The following WWTR1 variants were observed in gnomAD, a reference collection of about 807,000 sequenced individuals.
The protein encoded by WWTR1 is WW domain-containing transcription regulator protein 1.
A neutral mutation model predicts 40.1 loss-of-function variants in WWTR1; 13 were observed. That is an observed-to-expected ratio of 0.32 (90% CI 0.21 to 0.52). WWTR1 has a LOEUF of 0.52. Ranked by LOEUF, WWTR1 falls within the 20% of genes least tolerant of loss-of-function variation. WWTR1 has a pLI of 0.97. For missense variants in WWTR1, 436 were observed against 523.1 expected, an observed-to-expected ratio of 0.83 and a Z score of 1.63; for synonymous variants, 230 against 210.1, an observed-to-expected ratio of 1.09 and a Z score of -0.82.
chr3:149,526,016 TATCCATCTC>T lies in WWTR1; in HGVS notation c.1006_1014del (p.Glu336_Asp338del), dbSNP rs773748711. The T allele has an allele frequency of 1.4e-5, 22 of 1,595,820 alleles. No homozygotes were observed. Among genetic ancestry groups the T allele is most frequent in the Non-Finnish European group, 1.9e-5 (22 of 1,170,712 alleles). ...TGCTTGCAGGCTTTGCTCCTACCTG[TATCCATCTC>T]ATCCACATTGCTGAGGAAGTCCTCC... On this transcript the variant is annotated inframe_deletion, in exon 6 of 7. Transcript: ENST00000360632.
Position 149,535,632 on chromosome 3 carries a change from T to C in WWTR1, c.771+6703A>G, listed in dbSNP as rs79742911. On this transcript the variant is annotated intron_variant, in intron 4 of 6. Coordinates refer to ENST00000360632, the MANE Select transcript of WWTR1 (RefSeq NM_015472.6). Reference sequence around the variant, plus strand: ...AGTGCATAAAGCAAATTTGTATTATTCCACAACTGGTTTCTGTTGTCCTTT... The same window carrying C: ...AGTGCATAAAGCAAATTTGTATTATCCCACAACTGGTTTCTGTTGTCCTTT... 5.1e-3 allele frequency among the ~76,000 whole-genome samples: 776 copies of C among 152,046 alleles called. 11 individuals carry two copies. The highest frequency in any genetic ancestry group is 0.018 in the African/African-American group (735 of 41,478).
At chr3:149,568,328 G>A (rs73155010) in intron 3 of WWTR1, among the ~76,000 whole-genome samples, 11,678 of 146,846 alleles carry the variant, frequency 0.08, 1,225 homozygotes, top group East Asian at 0.49. Flanking sequence ...GGAGGTTGCA[G>A]TGAGCCAAGT....
chr3:149,620,772 G>T (rs1740233240), intron 2 of WWTR1, among the ~76,000 whole-genome samples: 1 of 152,148 alleles, frequency 6.6e-6, no homozygotes, highest in Non-Finnish European at 1.5e-5. Flanking sequence ...CATTTCCATT[G>T]CAAAAAGTTA....
At chr3:149,682,828 AG>A (rs1372712555) in intron 1 of WWTR1, among the ~76,000 whole-genome samples, 1 of 152,194 alleles carries the variant, frequency 6.6e-6, no homozygotes, top group Non-Finnish European at 1.5e-5. Context: ...TTAGTATAAA[AG>A]TGGATTGAAG....
At chr3:149,542,689 T>C (rs1207670310) in intron 3 of WWTR1, 152 bp from the exon 4 acceptor site, 2 of 846,372 alleles carry the variant, frequency 2.4e-6, no homozygotes, top group Middle Eastern at 3.5e-4. Context: ...AAGTAATTAT[T>C]ACCTTAATTC....
intron 3 of WWTR1, among the ~76,000 whole-genome samples, chr3:149,566,951 T>C (rs2107986292): frequency 6.6e-6 from 1 of 152,316 alleles, no homozygotes; most frequent in South Asian, 2.1e-4. Flanking sequence ...TGTGTGTATA[T>C]GTAACTTTAA....
intron 4 of WWTR1, among the ~76,000 whole-genome samples, chr3:149,540,501 A>C (rs547730736): frequency 6.6e-6 from 1 of 152,360 alleles, no homozygotes; most frequent in East Asian, 1.9e-4. Flanking sequence ...GAAAAAACTC[A>C]CTAAAGCTCA....
chr3:149,650,704 G>C lies in WWTR1; in HGVS notation c.431+6172C>G, dbSNP rs1261675950. ...CAGCTCAATTTGTAGTGACAATCTA[G>C]ATTCCAAACAATAAAAACTAGACAC... On this transcript the variant is annotated intron_variant, in intron 2 of 6. Coordinates refer to ENST00000360632, the MANE Select transcript of WWTR1 (RefSeq NM_015472.6). 2.6e-5 allele frequency among the ~76,000 whole-genome samples: 4 copies of C among 152,218 alleles called. No homozygotes were observed. In the South Asian group the frequency reaches 8.3e-4, roughly 32 times the overall value.
intron 4 of WWTR1, among the ~76,000 whole-genome samples, chr3:149,541,821 G>T (rs1736113338): frequency 6.6e-6 from 1 of 152,002 alleles, no homozygotes; most frequent in African/African-American, 2.4e-5. Flanking sequence ...CAGTCTTCCA[G>T]CAATCCTCAC....
At chr3:149,547,673 C>T (rs1057342142) in intron 3 of WWTR1, among the ~76,000 whole-genome samples, 1 of 152,098 alleles carries the variant, frequency 6.6e-6, no homozygotes, top group Non-Finnish European at 1.5e-5. Flanking sequence ...AAAGGAATAA[C>T]CCAAACAGAA....
chr3:149,679,870 G>A (rs943704832), intron 1 of WWTR1, among the ~76,000 whole-genome samples: 1 of 152,158 alleles, frequency 6.6e-6, no homozygotes, highest in Admixed American at 6.5e-5. Context: ...ATTTTCCAGG[G>A]CTGATTTCTC....
At position 149,520,970 on chromosome 3, in the gene WWTR1, T is replaced by G; in HGVS notation, c.1038A>C (p.Thr346=). ...EMDTGENAGQ[T]PMNINPQQTR... ...TCTGTTGGGGATTGATGTTCATGGG[T>G]GTTTGTCCTGCGTTTTCTCCTATAA... is the stretch of plus-strand genomic sequence containing the variant. Residue 346 remains threonine, a synonymous_variant, in exon 7 of 7, where the codon ACA becomes ACC. Coordinates refer to ENST00000360632, the MANE Select transcript of WWTR1 (RefSeq NM_015472.6). 2 of 1,602,588 alleles carry G rather than the reference T, an allele frequency of 1.2e-6. No homozygotes were observed. Among genetic ancestry groups the G allele is most frequent in the Non-Finnish European group, 8.5e-7 (1 of 1,176,514 alleles).
chr3:149,696,280 A>G (rs1028491590), intron 1 of WWTR1, among the ~76,000 whole-genome samples: 5 of 152,066 alleles, frequency 3.3e-5, no homozygotes, highest in Admixed American at 3.3e-4. Context: ...AGAGACTGGC[A>G]ACACCAAGCA....
chr3:149,585,120 T>TTGTGTG (rs1560072234), intron 2 of WWTR1, among the ~76,000 whole-genome samples: 2 of 78,746 alleles, frequency 2.5e-5, no homozygotes, highest in African/African-American at 9.9e-5. Flanking sequence ...TTGATTTCTT[T>TTGTGTG]CGTGTGTGTG....
chr3:149,562,579 T>A (rs1737131634), intron 3 of WWTR1, among the ~76,000 whole-genome samples: 1 of 148,252 alleles, frequency 6.7e-6, no homozygotes, highest in Non-Finnish European at 1.5e-5. Flanking sequence ...AGAACCTTTT[T>A]TTTTTCTGCC....
chr3:149,695,120 C>A (rs992153348), intron 1 of WWTR1, among the ~76,000 whole-genome samples: 3 of 151,994 alleles, frequency 2.0e-5, no homozygotes, highest in African/African-American at 7.3e-5. Flanking sequence ...CACTTGAATG[C>A]ATGGAGATAG....
chr3:149,629,385 G>T (rs978874961), intron 2 of WWTR1, among the ~76,000 whole-genome samples: 1 of 152,180 alleles, frequency 6.6e-6, no homozygotes, highest in Non-Finnish European at 1.5e-5. Flanking sequence ...ACTCCTCAGA[G>T]ATTATCTAAG....
intron 4 of WWTR1, chr3:149,540,238 C>T (rs770263492): frequency 3.3e-5 from 15 of 456,564 alleles, no homozygotes; most frequent in Admixed American, 4.7e-5. Flanking sequence ...CAACGCCCCA[C>T]GTTCCACAGC....
intron 5 of WWTR1, 97 bp from the exon 6 acceptor site, chr3:149,526,222 G>A (rs1350938080): frequency 2.6e-6 from 2 of 769,576 alleles, no homozygotes; most frequent in Non-Finnish European, 3.8e-6. Flanking sequence ...GTGCAGTTGT[G>A]CCATGCTGCC....
Sources: allele counts gnomAD v4.1 joint callset (sites outside exome capture counted in the v4.1 genomes callset), GRCh38; gene constraint gnomAD v4.1.1; transcripts MANE v1.5; gene names NCBI Gene and HGNC (gene_info 2026-07-23, HGNC 2026-07-21).